The following PAPSS1 variants were observed in gnomAD, a reference collection of about 807,000 sequenced individuals.
The protein encoded by PAPSS1 is 3'-phosphoadenosine 5'-phosphosulfate synthase 1.
PAPSS1 carries 50 observed loss-of-function variants against 72.0 expected under a neutral mutation model. That is an observed-to-expected ratio of 0.69 (90% CI 0.55 to 0.88). PAPSS1 has a LOEUF of 0.88. Among genes scored for constraint, PAPSS1 ranks in the 40% least tolerant of loss-of-function variants. The pLI is 0.00. For synonymous variants in PAPSS1, 261 were observed against 263.6 expected (o/e 0.99, Z 0.09); for missense variants, 657 against 782.2 (o/e 0.84, Z 1.91).
intron 2 of PAPSS1, among the ~76,000 whole-genome samples, chr4:107,699,754 A>T (rs1723162647): frequency 6.6e-6 from 1 of 152,190 alleles, no homozygotes; most frequent in Non-Finnish European, 1.5e-5. Context: ...GCCAGAAGAC[A>T]ATAGAGTACT....
chr4:107,648,021 G>A (rs1440761776), intron 9 of PAPSS1, among the ~76,000 whole-genome samples: 1 of 152,000 alleles, frequency 6.6e-6, no homozygotes, highest in Admixed American at 6.6e-5. Context: ...CACATCTCAA[G>A]CCAAATTTGG....
rs912279291 is a variant in PAPSS1 at position 107,622,877 on chromosome 4, CAA to C, written c.1737-8492_1737-8491del. 1.1e-4 allele frequency among the ~76,000 whole-genome samples: 17 copies of C among 152,292 alleles called. 1 individual carries two copies. The Middle Eastern group carries it at 0.01, about 91-fold the overall frequency. Reference sequence around the variant, plus strand: ...TCTCTGCCCATTACCTGTGGAATTACAAAAGAGGATACTGAACTAAATTGGTT... The same window carrying C: ...TCTCTGCCCATTACCTGTGGAATTACAAGAGGATACTGAACTAAATTGGTT... On this transcript the variant is annotated intron_variant, in intron 11 of 11. Transcript: ENST00000265174.
intron 1 of PAPSS1, among the ~76,000 whole-genome samples, chr4:107,708,215 A>C (rs1723390145): frequency 6.6e-6 from 1 of 152,196 alleles, no homozygotes; most frequent in South Asian, 2.1e-4. Flanking sequence ...ATTTCTTTTC[A>C]ATAAACTGAT....
At chr4:107,670,423 C>T (rs534577799) in intron 5 of PAPSS1, among the ~76,000 whole-genome samples, 24 of 152,232 alleles carry the variant, frequency 1.6e-4, no homozygotes, top group African/African-American at 3.6e-4. Context: ...GAAAATACTA[C>T]GGTGAACTTC....
chr4:107,679,329 AT>A (rs1727740629), intron 5 of PAPSS1, among the ~76,000 whole-genome samples: 1 of 152,158 alleles, frequency 6.6e-6, no homozygotes, highest in Non-Finnish European at 1.5e-5. Flanking sequence ...AGAAAAACCC[AT>A]GAGCAGGCCA....
chr4:107,718,154 G>A (rs1362036281), intron 1 of PAPSS1, among the ~76,000 whole-genome samples: 16 of 152,136 alleles, frequency 1.1e-4, no homozygotes, highest in Admixed American at 1.0e-3. Context: ...CTTCACACTT[G>A]TGCCTATTAA....
At chr4:107,703,629 G>A (rs955674237) in intron 1 of PAPSS1, among the ~76,000 whole-genome samples, 1 of 152,050 alleles carries the variant, frequency 6.6e-6, no homozygotes, top group African/African-American at 2.4e-5. Context: ...TCCCCATCAT[G>A]TATTATTGGC....
chr4:107,670,763 C>T (rs1225838397), intron 5 of PAPSS1, among the ~76,000 whole-genome samples: 3 of 152,158 alleles, frequency 2.0e-5, no homozygotes, highest in Non-Finnish European at 2.9e-5. Flanking sequence ...GTCTTGAACT[C>T]CTGGCCTCAA....
chr4:107,627,366 G>A (rs373835900), intron 11 of PAPSS1, among the ~76,000 whole-genome samples: 6 of 152,028 alleles, frequency 3.9e-5, no homozygotes, highest in South Asian at 2.1e-4. Flanking sequence ...TAATCCTAAC[G>A]CTCAGAACAA....
At chr4:107,642,453 A>G (rs1273045909) in intron 10 of PAPSS1, among the ~76,000 whole-genome samples, 2 of 152,158 alleles carry the variant, frequency 1.3e-5, no homozygotes, top group Non-Finnish European at 2.9e-5. Context: ...TCTTAGTATT[A>G]TAAGGATTAA....
intron 1 of PAPSS1, among the ~76,000 whole-genome samples, chr4:107,707,643 T>TA (rs1723372864): frequency 6.6e-6 from 1 of 152,174 alleles, no homozygotes; most frequent in South Asian, 2.1e-4. Context: ...CTGGGGGCAG[T>TA]AATATAGGTC....
intron 6 of PAPSS1, among the ~76,000 whole-genome samples, chr4:107,658,383 TTAA>T (rs954746543): frequency 7.2e-6 from 1 of 139,716 alleles, no homozygotes; most frequent in African/African-American, 3.1e-5. Context: ...GGAAGAAACA[TTAA>T]ATAAAATATT....
Position 107,644,957 on chromosome 4 carries a change from G to A in PAPSS1, c.1351C>T (p.Leu451Phe), listed in dbSNP as rs1726652810. Residue 451 changes from leucine (L) to phenylalanine (F), a missense_variant, in exon 10 of 12, where the codon CTC becomes TTC. Leu to Phe is a conservative substitution (Grantham distance 22). Around this residue, in one of 7 missense-constraint regions of PAPSS1, gnomAD observed 166 missense variants for 228.3 expected, o/e 0.73. Coordinates refer to ENST00000265174, the MANE Select transcript of PAPSS1 (RefSeq NM_005443.5). The stretch of plus-strand genomic sequence containing the variant: ...TTTGTCCAGCCACCCAGAGGGTGGA[G>A]GAGGAGGACAGGGCGCCGGTAGCCC... ...ERGYRRPVLL[L>F]HPLGGWTKDD... 6.2e-7 allele frequency: 1 copy of A among 1,613,958 alleles called. No individual in the cohort carries two copies.
chr4:107,648,320 C>T (rs1386891547), intron 9 of PAPSS1, among the ~76,000 whole-genome samples: 2 of 152,216 alleles, frequency 1.3e-5, no homozygotes, highest in African/African-American at 2.4e-5. Flanking sequence ...CATCTAGAGG[C>T]GTTGCCAGCA....
intron 10 of PAPSS1, among the ~76,000 whole-genome samples, chr4:107,643,903 T>C (rs1156258592): frequency 6.6e-6 from 1 of 151,998 alleles, no homozygotes; most frequent in Non-Finnish European, 1.5e-5. Flanking sequence ...TAAAAGAAAA[T>C]AAGACAAATT....
intron 8 of PAPSS1, among the ~76,000 whole-genome samples, chr4:107,654,401 A>C (rs1726938573): frequency 6.6e-6 from 1 of 152,154 alleles, no homozygotes; most frequent in Admixed American, 6.5e-5. Flanking sequence ...GAGATTGTAT[A>C]CTCCAAGAGC....
chr4:107,705,619 T>C (rs1460391968), intron 1 of PAPSS1, among the ~76,000 whole-genome samples: 2 of 152,266 alleles, frequency 1.3e-5, no homozygotes, highest in African/African-American at 4.8e-5. Flanking sequence ...TTTAAATGTT[T>C]GGTAGAACTC....
intron 6 of PAPSS1, among the ~76,000 whole-genome samples, chr4:107,658,906 T>G (rs1323476279): frequency 6.6e-6 from 1 of 152,190 alleles, no homozygotes; most frequent in Non-Finnish European, 1.5e-5. Flanking sequence ...GCCTTCCAGA[T>G]GCTCTGCCAA....
intron 2 of PAPSS1, among the ~76,000 whole-genome samples, chr4:107,700,914 T>A (rs1723185440): frequency 6.6e-6 from 1 of 152,128 alleles, no homozygotes. Flanking sequence ...CACTCAGAAG[T>A]GTGTAGAATT....
Sources: allele counts gnomAD v4.1 joint callset (sites outside exome capture counted in the v4.1 genomes callset), GRCh38; gene constraint gnomAD v4.1.1; regional missense constraint gnomAD v4.1.1; transcripts MANE v1.5; gene names NCBI Gene and HGNC (gene_info 2026-07-23, HGNC 2026-07-21).